SOX5: variants seen among roughly 807,000 people sequenced by gnomAD.
The protein encoded by SOX5 is transcription factor SOX-5.
In SOX5, 9 loss-of-function variants were observed where a neutral mutation model predicts 92.0. That is an observed-to-expected ratio of 0.10 (90% confidence interval 0.06 to 0.17). The LOEUF (loss-of-function observed/expected upper bound fraction) is 0.17. Ranked by LOEUF, SOX5 falls within the 10% of genes least tolerant of loss-of-function variation. SOX5 has a pLI of 1.00. For synonymous variants in SOX5, 344 were observed against 336.3 expected, an observed-to-expected ratio of 1.02 and a Z score of -0.25; for missense variants, 642 against 944.5, an observed-to-expected ratio of 0.68 and a Z score of 4.20.
chr12:24,266,392 CT>C (rs1351775221), intron 3 of SOX5, among the ~76,000 whole-genome samples: 1 of 152,066 alleles, frequency 6.6e-6, no homozygotes, highest in Non-Finnish European at 1.5e-5. Context: ...CATTAACAGA[CT>C]TTTAATGTGC....
chr12:24,291,903 G>T (rs1173591698), intron 2 of SOX5, among the ~76,000 whole-genome samples: 3 of 152,218 alleles, frequency 2.0e-5, no homozygotes, highest in Non-Finnish European at 2.9e-5. Flanking sequence ...TGCCAGAGAT[G>T]AAAGTGCCGT....
chr12:24,109,134 A>G (rs1947030618), intron 4 of SOX5, among the ~76,000 whole-genome samples: 2 of 152,188 alleles, frequency 1.3e-5, no homozygotes, highest in Non-Finnish European at 2.9e-5. Flanking sequence ...TAGGTACTAT[A>G]AATAGATACC....
At chr12:23,865,702 T>C (rs1371888985) in intron 2 of SOX5, among the ~76,000 whole-genome samples, 2 of 152,220 alleles carry the variant, frequency 1.3e-5, no homozygotes, top group South Asian at 4.1e-4. Flanking sequence ...ATACATTTTG[T>C]AAGGCTATTG....
chr12:24,059,193 T>C (rs1410958592), intron 4 of SOX5, among the ~76,000 whole-genome samples: 2 of 152,228 alleles, frequency 1.3e-5, no homozygotes, highest in Non-Finnish European at 2.9e-5. Context: ...GATTTCAATA[T>C]TGAAATTCTG....
chr12:24,375,409 C>T (rs1014465437), intron 1 of SOX5, among the ~76,000 whole-genome samples: 1 of 152,024 alleles, frequency 6.6e-6, no homozygotes. Context: ...TTTTTATTCC[C>T]TTTCAACCTG....
intron 1 of SOX5, among the ~76,000 whole-genome samples, chr12:24,445,116 C>A (rs1941269062): frequency 6.6e-6 from 1 of 152,090 alleles, no homozygotes; most frequent in South Asian, 2.1e-4. Flanking sequence ...CAGACAGTCA[C>A]AAGTACTTAC....
chr12:24,093,388 T>C (rs1044659590), intron 4 of SOX5, among the ~76,000 whole-genome samples: 6 of 151,884 alleles, frequency 4.0e-5, no homozygotes, highest in Non-Finnish European at 8.8e-5. Flanking sequence ...CCAGGCGTGG[T>C]GGCGGGCGCC....
chr12:23,598,430 C>T (rs7312926), intron 9 of SOX5, among the ~76,000 whole-genome samples: 2 of 137,746 alleles, frequency 1.5e-5, no homozygotes, highest in Admixed American at 7.5e-5. Context: ...ATGGAGTCTC[C>T]CTCTGTTGCC....
At chr12:23,966,264 A>ACTGACTTTT (rs1018808003) in intron 4 of SOX5, among the ~76,000 whole-genome samples, 8 of 140,458 alleles carry the variant, frequency 5.7e-5, no homozygotes, top group African/African-American at 2.1e-4. Flanking sequence ...AAGGGCCTGT[A>ACTGACTTTT]CTGACTTTTT....
chr12:23,924,858 C>A (rs1395736079), intron 1 of SOX5, among the ~76,000 whole-genome samples: 2 of 151,842 alleles, frequency 1.3e-5, no homozygotes, highest in East Asian at 1.9e-4. Context: ...ATGATTAAAT[C>A]CCTATCATTT....
chr12:24,484,678 C>T (rs1946336747), intron 1 of SOX5, among the ~76,000 whole-genome samples: 1 of 152,154 alleles, frequency 6.6e-6, no homozygotes, highest in South Asian at 2.1e-4. Flanking sequence ...ATTATGTATG[C>T]ATCGTAACAA....
intron 3 of SOX5, among the ~76,000 whole-genome samples, chr12:24,215,730 C>T (rs1959116629): frequency 6.6e-6 from 1 of 150,888 alleles, no homozygotes; most frequent in Non-Finnish European, 1.5e-5. Context: ...GGCTTTTTTA[C>T]AGAAACTGTC....
intron 2 of SOX5, among the ~76,000 whole-genome samples, chr12:24,287,592 CTTTTTTTTTTTT>C (rs763973565): frequency 3.8e-5 from 3 of 79,672 alleles, no homozygotes; most frequent in Non-Finnish European, 4.7e-5. Context: ...TTCTCAAATC[CTTTTTTTTTTTT>C]TTTTTTTTTT....
intron 4 of SOX5, among the ~76,000 whole-genome samples, chr12:24,178,611 T>C (rs1429566087): frequency 1.3e-5 from 2 of 152,230 alleles, no homozygotes; most frequent in Non-Finnish European, 2.9e-5. Context: ...AAACATTATG[T>C]AGGCCAGATT....
chr12:24,029,493 T>A (rs1009036763), intron 4 of SOX5, among the ~76,000 whole-genome samples: 2 of 151,798 alleles, frequency 1.3e-5, no homozygotes, highest in Non-Finnish European at 2.9e-5. Flanking sequence ...CAGGATGGTT[T>A]CAAACATCTG....
intron 2 of SOX5, among the ~76,000 whole-genome samples, chr12:24,291,263 T>G (rs1321836187): frequency 1.3e-5 from 2 of 152,226 alleles, no homozygotes; most frequent in Non-Finnish European, 2.9e-5. Flanking sequence ...TGTTATTTTC[T>G]GTTAGATTTT....
At chr12:23,902,833 C>T (rs1470219804) in intron 1 of SOX5, among the ~76,000 whole-genome samples, 1 of 152,036 alleles carries the variant, frequency 6.6e-6, no homozygotes, top group East Asian at 1.9e-4. Context: ...TATTCTAATC[C>T]TCTACACCAA....
At chr12:23,881,194 C>G (rs959525780) in intron 2 of SOX5, among the ~76,000 whole-genome samples, 1 of 152,102 alleles carries the variant, frequency 6.6e-6, no homozygotes, top group Non-Finnish European at 1.5e-5. Context: ...AATCTCAGCT[C>G]CTGGAGGCTG....
At chr12:24,259,977 G>T (rs1941848690) in intron 3 of SOX5, among the ~76,000 whole-genome samples, 1 of 152,114 alleles carries the variant, frequency 6.6e-6, no homozygotes, top group African/African-American at 2.4e-5. Flanking sequence ...TTAAGAAGTG[G>T]TAATAAGAGT....
Sources: gnomAD v4.1 joint callset for allele counts (sites outside exome capture counted in the v4.1 genomes callset) on GRCh38, gnomAD v4.1.1 for gene constraint, MANE v1.5 for transcripts, NCBI Gene and HGNC (gene_info 2026-07-23, HGNC 2026-07-21) for gene names.